The following DOCK4 variants were observed in gnomAD, a reference collection of about 807,000 sequenced individuals.
DOCK4 encodes the protein dedicator of cytokinesis protein 4.
DOCK4 carries 97 observed loss-of-function variants against 268.1 expected under a neutral mutation model. The ratio of observed to expected loss-of-function variants is 0.36; its 90% CI spans 0.31 to 0.43. The LOEUF is 0.43. DOCK4 is among the 20% of genes least tolerant of loss of function. The probability of loss-of-function intolerance (pLI) is 1.00; values close to 1 mark genes in which losing one functional copy is unlikely to be tolerated. For synonymous variants in DOCK4, 954 were observed against 887.2 expected (o/e 1.08, Z -1.34); for missense variants, 2,145 against 2,455.7 (o/e 0.87, Z 2.67).
At chr7:111,835,724 A>G (rs1391657014) in intron 25 of DOCK4, among the ~76,000 whole-genome samples, 1 of 152,208 alleles carries the variant, frequency 6.6e-6, no homozygotes, top group Non-Finnish European at 1.5e-5. Context: ...GAAAGAGACT[A>G]CAGACTTTAT....
intron 16 of DOCK4, among the ~76,000 whole-genome samples, chr7:111,886,426 A>G (rs1238805435): frequency 6.6e-6 from 1 of 152,176 alleles, no homozygotes; most frequent in Non-Finnish European, 1.5e-5. Flanking sequence ...AGGGCACTGC[A>G]TGTCTGATCT....
intron 7 of DOCK4, among the ~76,000 whole-genome samples, chr7:111,982,215 T>G (rs576801498): frequency 1.3e-5 from 2 of 152,342 alleles, no homozygotes; most frequent in South Asian, 4.1e-4. Flanking sequence ...GTGTTCTTGG[T>G]GATGGAAGCC....
chr7:112,143,476 T>C (rs982149752), intron 1 of DOCK4, among the ~76,000 whole-genome samples: 2 of 152,178 alleles, frequency 1.3e-5, no homozygotes, highest in Non-Finnish European at 2.9e-5. Flanking sequence ...AGTGAAAAAG[T>C]CTCTCAAGCT....
chr7:111,846,645 G>C (rs970750351), intron 24 of DOCK4, among the ~76,000 whole-genome samples: 2 of 151,796 alleles, frequency 1.3e-5, no homozygotes, highest in African/African-American at 4.9e-5. Context: ...GCCTTTCACA[G>C]AATGGATCAA....
Position 111,742,026 on chromosome 7 carries a change from C to A in DOCK4, c.4784G>T (p.Ser1595Ile). 1 of 1,602,294 alleles carries A rather than the reference C, an allele frequency of 6.2e-7. No individual in the cohort carries two copies. The highest frequency in any genetic ancestry group is 2.2e-5 in the East Asian group (1 of 44,598). The change falls in exon 45 of 53, where the codon AGC becomes ATC. Residue 1595 changes from serine (S) to isoleucine (I), a missense_variant. Physicochemically the swap from Ser to Ile is moderately radical, Grantham distance 142 (BLOSUM62 -2). Transcript: ENST00000428084. ...AAGTATACATACCTGTATCCCTAAG[C>A]TCGACTTCATCACAAAGAATTGGTC... The part of the protein sequence containing the change: ...LVDQFFVMKS[S>I]LGIQEFSACM...
At chr7:111,886,686 C>T (rs984460768) in intron 16 of DOCK4, among the ~76,000 whole-genome samples, 1 of 152,120 alleles carries the variant, frequency 6.6e-6, no homozygotes, top group Admixed American at 6.5e-5. Flanking sequence ...ACTATGGGGA[C>T]ACGACCATTC....
chr7:112,066,680 TATACATATAC>T (rs1274549639), intron 1 of DOCK4, among the ~76,000 whole-genome samples: 431 of 15,192 alleles, frequency 0.028, 37 homozygotes, highest in African/African-American at 0.13. Context: ...CATATACATA[TATACATATAC>T]ATATATATAT....
At chr7:111,888,727 CT>C in intron 16 of DOCK4, among the ~76,000 whole-genome samples, 1 of 152,288 alleles carries the variant, frequency 6.6e-6, no homozygotes, top group East Asian at 1.9e-4. Context: ...ACCACTCCAT[CT>C]TCCCCCCTCT....
At chr7:112,140,319 C>G (rs913196022) in intron 1 of DOCK4, among the ~76,000 whole-genome samples, 3 of 152,176 alleles carry the variant, frequency 2.0e-5, no homozygotes, top group African/African-American at 7.2e-5. Flanking sequence ...GTTCTTCACT[C>G]TAGTGCAGCA....
intron 1 of DOCK4, among the ~76,000 whole-genome samples, chr7:112,116,562 G>C (rs1356989298): frequency 6.6e-6 from 1 of 152,154 alleles, no homozygotes; most frequent in Non-Finnish European, 1.5e-5. Flanking sequence ...GAAAACCTAA[G>C]ATTAGCAAAT....
chr7:112,090,738 G>A (rs2135757226), intron 1 of DOCK4, among the ~76,000 whole-genome samples: 1 of 152,262 alleles, frequency 6.6e-6, no homozygotes, highest in Non-Finnish European at 1.5e-5. Context: ...AGTGCCTGGA[G>A]CAAAGAATCA....
intron 31 of DOCK4, among the ~76,000 whole-genome samples, chr7:111,789,750 C>T (rs866914586): frequency 6.6e-6 from 1 of 152,144 alleles, no homozygotes; most frequent in Admixed American, 6.5e-5. Flanking sequence ...TTGAGGGAGG[C>T]TTCTTCTGGA....
chr7:112,173,642 C>T (rs115529525), intron 1 of DOCK4, among the ~76,000 whole-genome samples: 2,105 of 152,064 alleles, frequency 0.014, 40 homozygotes, highest in African/African-American at 0.048. Flanking sequence ...CTCCCAAAGA[C>T]GAGTACACAC....
At chr7:112,101,343 G>A (rs1256638333) in intron 1 of DOCK4, among the ~76,000 whole-genome samples, 1 of 152,230 alleles carries the variant, frequency 6.6e-6, no homozygotes, top group South Asian at 2.1e-4. Flanking sequence ...TGGTCACCCT[G>A]TCTACTTCAT....
At chr7:112,088,478 C>T (rs1467299118) in intron 1 of DOCK4, among the ~76,000 whole-genome samples, 1 of 152,144 alleles carries the variant, frequency 6.6e-6, no homozygotes, top group Non-Finnish European at 1.5e-5. Flanking sequence ...CATAGAAACA[C>T]CCAAACTCCT....
chr7:111,927,121 T>C (rs1188231057), intron 12 of DOCK4, among the ~76,000 whole-genome samples: 7 of 152,192 alleles, frequency 4.6e-5, no homozygotes, highest in Non-Finnish European at 8.8e-5. Flanking sequence ...ATAGGCTCAC[T>C]GTCTGAAGAT....
chr7:111,953,968 T>C (rs180780284), intron 8 of DOCK4, among the ~76,000 whole-genome samples: 7 of 152,368 alleles, frequency 4.6e-5, no homozygotes, highest in Admixed American at 2.6e-4. Context: ...CAAAATGTAC[T>C]GTTCTTTCTT....
chr7:112,081,111 G>C (rs747502097), intron 1 of DOCK4, among the ~76,000 whole-genome samples: 1 of 152,076 alleles, frequency 6.6e-6, no homozygotes. Flanking sequence ...CAAAAATACT[G>C]AGACAGGAAG....
At chr7:112,093,109 G>C (rs1028942143) in intron 1 of DOCK4, among the ~76,000 whole-genome samples, 24 of 152,226 alleles carry the variant, frequency 1.6e-4, no homozygotes, top group Admixed American at 1.3e-4. Flanking sequence ...ACATTGTTAA[G>C]GTATGCTGCT....
Sources: gnomAD v4.1 joint callset for allele counts (sites outside exome capture counted in the v4.1 genomes callset) on GRCh38, gnomAD v4.1.1 for gene constraint, MANE v1.5 for transcripts, NCBI Gene and HGNC (gene_info 2026-07-23, HGNC 2026-07-21) for gene names.